The following NTM variants were observed in gnomAD, a reference collection of about 807,000 sequenced individuals.
The protein encoded by NTM is IgLON family member 2.
In NTM, 13 loss-of-function variants were observed where a neutral mutation model predicts 42.1. The observed-to-expected ratio is 0.31, with a 90% CI of 0.20 to 0.49. NTM has a LOEUF of 0.49. Among genes scored for constraint, NTM ranks in the 20% least tolerant of loss-of-function variants. NTM has a pLI of 0.99. For missense variants in NTM, 373 were observed against 452.8 expected, an observed-to-expected ratio of 0.82 and a Z score of 1.60; for synonymous variants, 187 against 179.2, an observed-to-expected ratio of 1.04 and a Z score of -0.35.
At chr11:132,004,459 T>C (rs1344797733) in intron 2 of NTM, among the ~76,000 whole-genome samples, 1 of 152,200 alleles carries the variant, frequency 6.6e-6, no homozygotes, top group Non-Finnish European at 1.5e-5. Flanking sequence ...TCTTCTCTTG[T>C]CTGGTTAACT....
chr11:131,401,822 A>ATATATATGTGTG lies in NTM; in HGVS notation c.82+30941_82+30942insGTGTGTATATAT, dbSNP rs1555101763. On this transcript the variant is annotated intron_variant, in intron 1 of 8. Transcript: ENST00000683400. The stretch of plus-strand genomic sequence containing the variant: ...GAAATATATATATATATATATATAT[A>ATATATATGTGTG]TATATATATATATATATATATATAT... Among the ~76,000 whole-genome samples the ATATATATGTGTG allele has an allele frequency of 1.9e-4, 11 of 57,852 alleles. 1 individual carries two copies. Among genetic ancestry groups the ATATATATGTGTG allele is most frequent in the African/African-American group, 7.8e-4 (11 of 14,062 alleles). 38.0% of individuals were successfully genotyped at this position (57,852 alleles called of 152,430 possible).
rs547020375 is a variant in NTM, at chr11:132,025,697, G to A, written c.167+114049G>A. Among the ~76,000 whole-genome samples, 5 of 152,294 alleles carry A rather than the reference G, an allele frequency of 3.3e-5. No individual in the cohort carries two copies. The South Asian group carries it at 6.2e-4, about 19-fold the overall frequency. On this transcript the variant is annotated intron_variant, in intron 2 of 8. Coordinates refer to ENST00000683400, the MANE Select transcript of NTM (RefSeq NM_001352005.2). ...GGGTCCATAGCCACAGATTCAGACCGAATTGGCCGGGGGTGTGGCCTGAGC... is the reference window on the plus strand; with the variant it reads ...GGGTCCATAGCCACAGATTCAGACCAAATTGGCCGGGGGTGTGGCCTGAGC...
chr11:131,412,784 A>T (rs1054036834), intron 1 of NTM, among the ~76,000 whole-genome samples: 4 of 147,122 alleles, frequency 2.7e-5, no homozygotes, highest in Non-Finnish European at 6.0e-5. Context: ...TCTCAGCAAA[A>T]GCAACTCCCT....
intron 1 of NTM, among the ~76,000 whole-genome samples, chr11:131,791,230 G>T (rs2090891102): frequency 6.6e-6 from 1 of 152,186 alleles, no homozygotes; most frequent in African/African-American, 2.4e-5. Context: ...AAGTAGTAAG[G>T]TGTATGATAA....
intron 1 of NTM, among the ~76,000 whole-genome samples, chr11:131,442,298 G>A (rs561945544): frequency 6.6e-6 from 1 of 152,274 alleles, no homozygotes; most frequent in African/African-American, 2.4e-5. Flanking sequence ...GCAATTGTGT[G>A]ATCCATCTAT....
At chr11:131,713,624 A>G (rs2077392247) in intron 1 of NTM, among the ~76,000 whole-genome samples, 1 of 152,088 alleles carries the variant, frequency 6.6e-6, no homozygotes, top group Admixed American at 6.6e-5. Flanking sequence ...GTAGGCAATC[A>G]TATCATTTTT....
chr11:131,723,321 G>A (rs142987854), intron 1 of NTM, among the ~76,000 whole-genome samples: 569 of 152,360 alleles, frequency 3.7e-3, no homozygotes, highest in Non-Finnish European at 6.1e-3. Context: ...ATGGGAGAGT[G>A]TAGAGCCAAG....
intron 1 of NTM, among the ~76,000 whole-genome samples, chr11:131,839,530 G>T (rs896625938): frequency 1.3e-5 from 2 of 152,182 alleles, no homozygotes; most frequent in African/African-American, 2.4e-5. Flanking sequence ...TCAGCAGTGC[G>T]GCTGCAGCTA....
chr11:131,952,256 G>T (rs1283431651), intron 2 of NTM, among the ~76,000 whole-genome samples: 1 of 152,046 alleles, frequency 6.6e-6, no homozygotes, highest in Non-Finnish European at 1.5e-5. Flanking sequence ...ATTTCTAACT[G>T]TATTACTATT....
rs138217494 is a variant in NTM at position 131,504,119 on chromosome 11, C to G, written c.82+133231C>G. On this transcript the variant is annotated intron_variant, in intron 1 of 8. Coordinates refer to ENST00000683400, the MANE Select transcript of NTM (RefSeq NM_001352005.2). ...TGGCCCCACCAGCTTCCTCCAGGCC[C>G]CTGCTTCTGGACACTGTGGCTTGTC... 5.9e-3 allele frequency among the ~76,000 whole-genome samples: 892 copies of G among 152,272 alleles called. 10 individuals are homozygous for G. The highest frequency in any genetic ancestry group is 0.019 in the African/African-American group (772 of 41,566).
chr11:131,898,779 A>C (rs896655888), intron 1 of NTM, among the ~76,000 whole-genome samples: 5 of 152,204 alleles, frequency 3.3e-5, no homozygotes, highest in African/African-American at 1.2e-4. Flanking sequence ...CATGTTTTTC[A>C]ATCTCTTGGG....
chr11:131,606,567 A>T (rs989370316), intron 1 of NTM, among the ~76,000 whole-genome samples: 4 of 152,116 alleles, frequency 2.6e-5, no homozygotes, highest in Admixed American at 2.0e-4. Context: ...TAGTAGAAAA[A>T]CTTTTACGAT....
intron 1 of NTM, among the ~76,000 whole-genome samples, chr11:131,563,898 G>A (rs116657011): frequency 0.023 from 3,472 of 152,034 alleles, 130 homozygotes; most frequent in African/African-American, 0.079. Flanking sequence ...CATCTCTACC[G>A]TTCCTTCGCT....
At chr11:131,742,932 G>T (rs897262502) in intron 1 of NTM, among the ~76,000 whole-genome samples, 1 of 152,210 alleles carries the variant, frequency 6.6e-6, no homozygotes, top group Non-Finnish European at 1.5e-5. Context: ...GTGAAGGGGG[G>T]CCTCTTAAGG....
chr11:132,188,008 C>G (rs2078697830), intron 3 of NTM, among the ~76,000 whole-genome samples: 1 of 152,146 alleles, frequency 6.6e-6, no homozygotes, highest in African/African-American at 2.4e-5. Flanking sequence ...TAAAGATAAG[C>G]TAGCCCAGCA....
intron 1 of NTM, among the ~76,000 whole-genome samples, chr11:131,834,642 A>ATATATATATATATATATATATG (rs1283909922): frequency 2.7e-5 from 4 of 147,450 alleles, no homozygotes; most frequent in Non-Finnish European, 6.0e-5. Flanking sequence ...ATATATATAT[A>ATATATATATATATATATATATG]TATGTATAAT....
At position 131,866,374 on chromosome 11, in the gene NTM, C is replaced by T. The variant is rs138398535; in HGVS notation, c.83-45190C>T. Reference sequence around the variant, plus strand: ...AGGTTGCTGGCTGTGTTTTGCAGCCCGAGGCCTATTTCTCAGTCCCAGCTC... The same window carrying T: ...AGGTTGCTGGCTGTGTTTTGCAGCCTGAGGCCTATTTCTCAGTCCCAGCTC... On this transcript the variant is annotated intron_variant, in intron 1 of 8. Coordinates refer to ENST00000683400, the MANE Select transcript of NTM (RefSeq NM_001352005.2). Among the ~76,000 whole-genome samples, 206 of 152,356 alleles carry T rather than the reference C, an allele frequency of 1.4e-3. 1 individual carries two copies. Among genetic ancestry groups the T allele is most frequent in the African/African-American group, 4.7e-3 (196 of 41,582 alleles).
At chr11:132,282,485 C>G (rs2094012591) in intron 4 of NTM, among the ~76,000 whole-genome samples, 1 of 152,136 alleles carries the variant, frequency 6.6e-6, no homozygotes, top group Non-Finnish European at 1.5e-5. Flanking sequence ...TCCCAGCCCC[C>G]TCCTCAAATA....
chr11:131,646,033 T>A (rs1021268165), intron 1 of NTM, among the ~76,000 whole-genome samples: 1 of 152,220 alleles, frequency 6.6e-6, no homozygotes, highest in African/African-American at 2.4e-5. Flanking sequence ...AGAAGCTGCA[T>A]GTATGTGCAT....
Sources: gnomAD v4.1 joint callset for allele counts (sites outside exome capture counted in the v4.1 genomes callset) on GRCh38, gnomAD v4.1.1 for gene constraint, MANE v1.5 for transcripts, NCBI Gene and HGNC (gene_info 2026-07-23, HGNC 2026-07-21) for gene names.